RNF135: variants seen among roughly 807,000 people sequenced by gnomAD.
RNF135 encodes the protein ring finger protein 135, also known as E3 ubiquitin-protein ligase RNF135.
RNF135 carries 46 observed loss-of-function variants against 41.9 expected under a neutral mutation model. The ratio of observed to expected loss-of-function variants is 1.10; its 90% CI spans 0.87 to 1.40. The LOEUF (loss-of-function observed/expected upper bound fraction) is 1.40. Among genes scored for constraint, RNF135 ranks in the 40% most tolerant of loss-of-function variants. The probability of loss-of-function intolerance (pLI) is 0.00; values close to 1 mark genes in which losing one functional copy is unlikely to be tolerated. For missense variants in RNF135, 539 were observed against 549.8 expected (o/e 0.98, Z 0.20); for synonymous variants, 238 against 223.8 (o/e 1.06, Z -0.57).
At chr17:30,960,311 G>A in the RNF135 span, among the ~76,000 whole-genome samples, 1 of 151,864 alleles carries the variant, frequency 6.6e-6, no homozygotes, top group Non-Finnish European at 1.5e-5. Context: ...AGAATCGCTT[G>A]AACCCGGCAG....
At chr17:30,988,532 A>G (rs1294901120) in intron 3 of RNF135, among the ~76,000 whole-genome samples, 5 of 131,258 alleles carry the variant, frequency 3.8e-5, no homozygotes, top group African/African-American at 1.2e-4. Context: ...GGTTCATGCC[A>G]TTCTCCTGCC....
At position 30,999,645 on chromosome 17, in the gene RNF135, T is replaced by G. The variant is rs1168500436; in HGVS notation, c.*454T>G. On this transcript the variant is annotated 3_prime_UTR_variant, in exon 5 of 5. Coordinates refer to ENST00000328381, the MANE Select transcript of RNF135 (RefSeq NM_032322.4). ...CAAGCTGAGGAGACTAAGTTAGCCA[T>G]GTGGGCAGTGAAGCATGCCAATGTG... 1 of 188,254 alleles carries G rather than the reference T, an allele frequency of 5.3e-6. No individual in the cohort carries two copies. The highest frequency in any genetic ancestry group is 2.3e-5 in the African/African-American group (1 of 42,744). The allele number at this position is 188,254 out of a possible 1,614,324, so 11.7% of individuals were successfully genotyped here. A position where few individuals can be genotyped will look rare whatever the true frequency, so the allele number is the denominator to read the frequency against.
intron 1 of RNF135, chr17:30,971,915 G>C (rs573816713): frequency 2.2e-4 from 38 of 172,578 alleles, no homozygotes; most frequent in African/African-American, 7.9e-4. Context: ...CTTCAGGCTC[G>C]AGAGTAGCTG....
rs6505224 is a variant in RNF135, at chr17:30,993,757, A to T, written c.680-3485A>T. On this transcript the variant is annotated intron_variant, in intron 3 of 4. Transcript: ENST00000328381. Reference sequence around the variant, plus strand: ...AGGTTTTGCAAATGCTTTTTAAAAAATTTTTTTCCTTTCTTTTTCTTTTGT... The same window carrying T: ...AGGTTTTGCAAATGCTTTTTAAAAATTTTTTTTCCTTTCTTTTTCTTTTGT... 50,074 of 974,686 alleles carry T rather than the reference A, an allele frequency of 0.051. 13,198 individuals carry two copies. The African/African-American group carries it at 0.67, about 13-fold the overall frequency. The allele number at this position is 974,686 out of a possible 1,614,324, so 60.4% of individuals were successfully genotyped here.
chr17:30,980,143 C>T (rs1411815138), intron 1 of RNF135: 2 of 143,204 alleles, frequency 1.4e-5, no homozygotes, highest in Admixed American at 6.9e-5. Flanking sequence ...CTCCTCACTT[C>T]CCAGTAGGGG....
intron 1 of RNF135, chr17:30,975,508 A>G: frequency 1.3e-6 from 1 of 777,708 alleles, no homozygotes. Flanking sequence ...ACCCATACCC[A>G]AACCCCTGCC....
At chr17:30,961,906 T>G in the RNF135 span, among the ~76,000 whole-genome samples, 1 of 152,194 alleles carries the variant, frequency 6.6e-6, no homozygotes, top group East Asian at 1.9e-4. Flanking sequence ...CTACTGTGCA[T>G]GTGCACCCAG....
chr17:30,960,122 G>A, the RNF135 span, among the ~76,000 whole-genome samples: 64 of 152,098 alleles, frequency 4.2e-4, 1 homozygote, highest in African/African-American at 1.3e-3. Flanking sequence ...GGCCGGGCAC[G>A]GTGGCTCACG....
chr17:30,990,241 G>A (rs944350501), intron 3 of RNF135, among the ~76,000 whole-genome samples: 1 of 151,480 alleles, frequency 6.6e-6, no homozygotes, highest in Non-Finnish European at 1.5e-5. Flanking sequence ...ATCAAAACAG[G>A]GCTGGGCGCG....
chr17:30,984,110 C>T (rs887062532), intron 1 of RNF135, among the ~76,000 whole-genome samples: 4 of 152,176 alleles, frequency 2.6e-5, no homozygotes, highest in African/African-American at 9.6e-5. Flanking sequence ...TGCCTTTTTA[C>T]TCTATTGTTC....
intron 1 of RNF135, among the ~76,000 whole-genome samples, chr17:30,975,145 T>G (rs1959256528): frequency 6.7e-6 from 1 of 148,942 alleles, no homozygotes; most frequent in Non-Finnish European, 1.5e-5. Flanking sequence ...AAAGAAGCTA[T>G]GAGACCCAAT....
Position 30,998,742 on chromosome 17 carries a change from T to G in RNF135, c.850T>G (p.Ser284Ala). 2 of 1,613,486 alleles carry G rather than the reference T, an allele frequency of 1.2e-6. No individual in the cohort carries two copies. The highest frequency in any genetic ancestry group is 1.7e-6 in the Non-Finnish European group (2 of 1,179,844). ...CAAGGATTCCCGTACAGTGACTGTG[T>G]CTCACCGCCCACAACCCTATCGCTG... ...VSKDSRTVTV[S>A]HRPQPYRWSC... Residue 284 changes from serine (S) to alanine (A), a missense_variant, in exon 5 of 5, where the codon TCT becomes GCT. Transcript: ENST00000328381.
upstream of RNF135, chr17:30,970,827 G>A (rs1905829884): frequency 1.8e-6 from 1 of 567,676 alleles, no homozygotes; most frequent in Non-Finnish European, 3.1e-6. Context: ...AGCAGCTCGC[G>A]GCATGTTGGT....
chr17:30,976,037 C>T (rs576831152), intron 1 of RNF135: 45 of 260,428 alleles, frequency 1.7e-4, no homozygotes, highest in South Asian at 1.3e-3. Context: ...GATGGCGTCT[C>T]GCTCTGTTGC....
At chr17:30,969,737 CTT>C (rs1905724824), upstream of RNF135, among the ~76,000 whole-genome samples, 1 of 140,090 alleles carries the variant, frequency 7.1e-6, no homozygotes, top group South Asian at 2.4e-4. Flanking sequence ...GCTTTTTTTT[CTT>C]TCTTTTCTTT....
In RNF135 at chr17:30,988,037, C is replaced by T; in HGVS notation, c.610C>T (p.Leu204=). ...AGKIRDILHD[L]EEIQEKLQES... is the part of the protein sequence containing the mutation. ...GAAAATCAGAGATATTCTCCATGAC[C>T]TAGAAGAAATTCAGGAAAAATTACA... Residue 204 remains leucine, a synonymous_variant, in exon 3 of 5, where the codon CTA becomes TTA. Coordinates refer to ENST00000328381, the MANE Select transcript of RNF135 (RefSeq NM_032322.4). 1.2e-6 allele frequency: 2 copies of T among 1,614,020 alleles called. No homozygotes were observed. The highest frequency in any genetic ancestry group is 1.7e-6 in the Non-Finnish European group (2 of 1,179,958).
At chr17:30,992,195 CTGCTGGGA>C (rs1908036049) in intron 3 of RNF135, among the ~76,000 whole-genome samples, 1 of 152,062 alleles carries the variant, frequency 6.6e-6, no homozygotes, top group East Asian at 1.9e-4. Flanking sequence ...GCTTCCCAAT[CTGCTGGGA>C]TTACACAGGA....
chr17:30,975,760 G>A (rs1906391008), intron 1 of RNF135: 1 of 1,181,832 alleles, frequency 8.5e-7, no homozygotes, highest in Admixed American at 1.7e-5. Context: ...TGGGTCATCG[G>A]GTACCCTCTT....
intron 2 of RNF135, among the ~76,000 whole-genome samples, chr17:30,985,773 G>T (rs1470425212): frequency 6.6e-6 from 1 of 152,046 alleles, no homozygotes; most frequent in African/African-American, 2.4e-5. Context: ...TCAGGAGTAA[G>T]ACCCAAATCC....
Sources: allele counts gnomAD v4.1 joint callset (sites outside exome capture counted in the v4.1 genomes callset), GRCh38; gene constraint gnomAD v4.1.1; transcripts MANE v1.5; gene names NCBI Gene and HGNC (gene_info 2026-07-23, HGNC 2026-07-21).